The following KCNQ1 variants were observed in gnomAD, a reference collection of about 807,000 sequenced individuals.
KCNQ1 encodes potassium voltage-gated channel subfamily Q member 1.
KCNQ1 carries 49 observed loss-of-function variants against 72.4 expected under a neutral mutation model. That is an observed-to-expected ratio of 0.68 (90% CI 0.54 to 0.86). The LOEUF is 0.86. Ranked by LOEUF, KCNQ1 falls within the 40% of genes least tolerant of loss-of-function variation. KCNQ1 has a pLI of 0.00. For missense variants in KCNQ1, 790 were observed against 945.1 expected (o/e 0.84, Z 2.15); for synonymous variants, 450 against 412.6 (o/e 1.09, Z -1.10).
chr11:2,489,963 C>G (rs893306413), intron 1 of KCNQ1, among the ~76,000 whole-genome samples: 4 of 152,104 alleles, frequency 2.6e-5, no homozygotes, highest in African/African-American at 9.7e-5. Flanking sequence ...ACCAAATGGG[C>G]TCTTGGGGTC....
At chr11:2,569,853 T>G (rs1848301829) in intron 2 of KCNQ1, among the ~76,000 whole-genome samples, 1 of 152,196 alleles carries the variant, frequency 6.6e-6, no homozygotes, top group Non-Finnish European at 1.5e-5. Flanking sequence ...GCTTTCCACT[T>G]CTGTGCCTAG....
Position 2,826,232 on chromosome 11 carries a change from C to T in KCNQ1, c.1795-21535C>T, listed in dbSNP as rs894127664. 6.6e-6 allele frequency among the ~76,000 whole-genome samples: 1 copy of T among 152,222 alleles called. No homozygotes were observed. On this transcript the variant is annotated intron_variant, in intron 15 of 15. Coordinates refer to ENST00000155840, the MANE Select transcript of KCNQ1 (RefSeq NM_000218.3). The surrounding 1 kb of genome is among the most constrained non-coding windows in gnomAD (Gnocchi z 4.2). ...AGCTGCATTTTAAGGCTACATTTCACGTCAGCTGTGACTTGGAAGGAAAGA... is the reference window on the plus strand; with the variant it reads ...AGCTGCATTTTAAGGCTACATTTCATGTCAGCTGTGACTTGGAAGGAAAGA...
At chr11:2,836,272 C>T (rs1848064440) in intron 15 of KCNQ1, among the ~76,000 whole-genome samples, 1 of 152,126 alleles carries the variant, frequency 6.6e-6, no homozygotes, top group South Asian at 2.1e-4. Context: ...TTGGGGAAAG[C>T]AGGGAGAAGG....
chr11:2,512,294 C>T (rs1249907854), intron 1 of KCNQ1, among the ~76,000 whole-genome samples: 1 of 152,242 alleles, frequency 6.6e-6, no homozygotes, highest in Non-Finnish European at 1.5e-5. Flanking sequence ...CAGGCTGCCC[C>T]TGCCTCTGCA....
chr11:2,773,183 A>G (rs1475448390), intron 12 of KCNQ1, among the ~76,000 whole-genome samples: 2 of 151,918 alleles, frequency 1.3e-5, no homozygotes, highest in Non-Finnish European at 2.9e-5. Flanking sequence ...ACAGAGTTCA[A>G]CAACCCGTCC....
chr11:2,811,785 TG>T (rs997260017), intron 15 of KCNQ1, among the ~76,000 whole-genome samples: 5 of 152,228 alleles, frequency 3.3e-5, no homozygotes, highest in Admixed American at 3.3e-4. Flanking sequence ...CTGGGATGGG[TG>T]GAGACCACCA....
intron 15 of KCNQ1, among the ~76,000 whole-genome samples, chr11:2,822,572 C>T (rs760211572): frequency 6.6e-6 from 1 of 152,192 alleles, no homozygotes; most frequent in Non-Finnish European, 1.5e-5. Flanking sequence ...CCCTGTGAGC[C>T]GAACCCCAAA....
At chr11:2,801,067 A>T (rs1240698674) in intron 15 of KCNQ1, among the ~76,000 whole-genome samples, 1 of 152,178 alleles carries the variant, frequency 6.6e-6, no homozygotes, top group Non-Finnish European at 1.5e-5. Context: ...GGGCTGGGGC[A>T]GGGCCAGGCA....
intron 10 of KCNQ1, chr11:2,660,783 T>G: frequency 2.5e-6 from 1 of 398,608 alleles, no homozygotes; most frequent in Non-Finnish European, 4.4e-6. Flanking sequence ...TACAACTTCT[T>G]GGGAAAGCAA....
chr11:2,629,400 T>A, intron 10 of KCNQ1: 1 of 398,520 alleles, frequency 2.5e-6, no homozygotes. Context: ...ATGAAGTCAA[T>A]ACCAAATCCA....
At chr11:2,774,413 G>A (rs960481957) in intron 12 of KCNQ1, among the ~76,000 whole-genome samples, 2 of 152,142 alleles carry the variant, frequency 1.3e-5, no homozygotes, top group African/African-American at 2.4e-5. Flanking sequence ...GTGAGGACAC[G>A]GGCCCCATCC....
chr11:2,707,990 CAGGTCGAGG>C (rs1258173298), intron 11 of KCNQ1, among the ~76,000 whole-genome samples: 1 of 152,218 alleles, frequency 6.6e-6, no homozygotes, highest in Non-Finnish European at 1.5e-5. Context: ...TGAATGTGCA[CAGGTCGAGG>C]AGGTGGTGTG....
intron 15 of KCNQ1, among the ~76,000 whole-genome samples, chr11:2,846,154 C>G (rs548979529): frequency 6.6e-6 from 1 of 152,192 alleles, no homozygotes; most frequent in Non-Finnish European, 1.5e-5. Context: ...GGGACCAGGC[C>G]CGCCCGGCGC....
chr11:2,641,594 C>T (rs1025367138), intron 10 of KCNQ1: 2 of 398,374 alleles, frequency 5.0e-6, no homozygotes, highest in African/African-American at 4.1e-5. Context: ...GCTGTCTCTT[C>T]ACTCTGGTGA....
At position 2,463,016 on chromosome 11, in the gene KCNQ1, G is replaced by A. The variant is rs1005984172; in HGVS notation, c.386+17532G>A. On this transcript the variant is annotated intron_variant, in intron 1 of 15. Transcript: ENST00000155840. The surrounding 1 kb of genome is among the most constrained non-coding windows in gnomAD (Gnocchi z 7.0). ...CTGAACTGGTAAGCGGGGCAGCGGC[G>A]GCAGGGGGCCCAGGGAAGTGGGGCC... Among the ~76,000 whole-genome samples, 23 of 152,164 alleles carry A rather than the reference G, an allele frequency of 1.5e-4. No homozygotes were observed. The highest frequency in any genetic ancestry group is 4.1e-4 in the African/African-American group (17 of 41,434).
chr11:2,837,252 C>T (rs560927792), intron 15 of KCNQ1, among the ~76,000 whole-genome samples: 39 of 152,204 alleles, frequency 2.6e-4, no homozygotes, highest in South Asian at 1.0e-3. Context: ...AGGCTGTGGG[C>T]GTGGCCAATG....
intron 2 of KCNQ1, among the ~76,000 whole-genome samples, chr11:2,542,387 G>A (rs1318657004): frequency 6.6e-6 from 1 of 152,234 alleles, no homozygotes; most frequent in Non-Finnish European, 1.5e-5. Context: ...TGCGAAGGAG[G>A]GGCCTCAGCC....
In KCNQ1 at chr11:2,549,720, C is replaced by A. The variant is rs1847952479; in HGVS notation, c.478-20908C>A. Among the ~76,000 whole-genome samples the A allele has an allele frequency of 6.6e-6, 1 of 152,018 alleles. No homozygotes were observed. The highest frequency in any genetic ancestry group is 2.4e-5 in the African/African-American group (1 of 41,388). ...CATGGGTGGCCCTGGGCTCCCCAGG[C>A]CTGGTGTGGGGGTGCCTGGGGGGCA... is the stretch of plus-strand genomic sequence containing the variant. On this transcript the variant is annotated intron_variant, in intron 2 of 15. Coordinates refer to ENST00000155840, the MANE Select transcript of KCNQ1 (RefSeq NM_000218.3). This position sits in a 1 kb window ranked among gnomAD's most constrained non-coding sequence, Gnocchi z 6.2.
At chr11:2,510,291 A>AAT (rs1564801454) in intron 1 of KCNQ1, among the ~76,000 whole-genome samples, 1 of 150,988 alleles carries the variant, frequency 6.6e-6, no homozygotes, top group East Asian at 1.9e-4. Context: ...AAAAAAAAAA[A>AAT]TTTTTAAATA....
Sources: gnomAD v4.1 joint callset for allele counts (sites outside exome capture counted in the v4.1 genomes callset) on GRCh38, gnomAD v4.1.1 for gene constraint, Gnocchi (gnomAD v3.1) non-coding constraint, MANE v1.5 for transcripts, NCBI Gene and HGNC (gene_info 2026-07-23, HGNC 2026-07-21) for gene names.